The following HEY2 variants were observed in gnomAD, a reference collection of about 807,000 sequenced individuals.
HEY2 encodes hes related family bHLH transcription factor with YRPW motif 2.
A neutral mutation model predicts 18.1 loss-of-function variants in HEY2; 10 were observed. That is an observed-to-expected ratio of 0.55 (90% CI 0.34 to 0.94). The LOEUF is 0.94. Ranked by LOEUF, HEY2 falls within the 40% of genes least tolerant of loss-of-function variation. The pLI is 0.02. For missense variants in HEY2, 455 were observed against 455.9 expected (o/e 1.00, Z 0.02); for synonymous variants, 210 against 182.7 (o/e 1.15, Z -1.21).
At position 125,761,125 on chromosome 6, in the gene HEY2, T is replaced by C. The variant is rs1401557846; in HGVS notation, c.*1323T>C. The C allele has an allele frequency of 6.6e-6, 1 of 152,618 alleles. No individual in the cohort carries two copies. Among genetic ancestry groups the C allele is most frequent in the East Asian group, 1.9e-4 (1 of 5,202 alleles). The allele number at this position is 152,618 out of a possible 1,614,324, so 9.5% of individuals were successfully genotyped here. Reference sequence around the variant, plus strand: ...TGTGTGGAGAAAGCAATAAACATTATGAGAATGTTAAACGTTATGCAAAAT... The same window carrying C: ...TGTGTGGAGAAAGCAATAAACATTACGAGAATGTTAAACGTTATGCAAAAT... On this transcript the variant is annotated 3_prime_UTR_variant, in exon 5 of 5. Transcript: ENST00000368364.
At chr6:125,750,328 T>G in intron 1 of HEY2, 1 of 985,448 alleles carries the variant, frequency 1.0e-6, no homozygotes, top group Non-Finnish European at 1.2e-6. Context: ...CTACGTAGGT[T>G]GAACTTTGCA....
intron 3 of HEY2, among the ~76,000 whole-genome samples, chr6:125,753,882 C>T (rs1030712299): frequency 2.6e-5 from 4 of 152,152 alleles, no homozygotes; most frequent in African/African-American, 4.8e-5. Context: ...CCTTAAAAGT[C>T]GTCCTTTTTA....
Position 125,749,878 on chromosome 6 carries a change from G to T in HEY2, c.83+19G>T, listed in dbSNP as rs141795395. Reference sequence around the variant, plus strand: ...ACTCGGGGTGAGCGCGGGCTCCGCGGGAGCGGCCCGCAGCTCGGGAGCTTG... The same window carrying T: ...ACTCGGGGTGAGCGCGGGCTCCGCGTGAGCGGCCCGCAGCTCGGGAGCTTG... On this transcript the variant is annotated intron_variant, in intron 1 of 4. Coordinates refer to ENST00000368364, the MANE Select transcript of HEY2 (RefSeq NM_012259.3). 9 of 1,549,974 alleles carry T rather than the reference G, an allele frequency of 5.8e-6. No homozygotes were observed. The East Asian group carries it at 2.2e-4, about 38-fold the overall frequency.
In HEY2 at chr6:125,759,685, G is replaced by A; in HGVS notation, c.897G>A (p.Ala299=). ...CAAACGCAGCAGCAGCAGTGGCCGC[G>A]GCCACAGCCATCAGCCCGCCCTTGT... is the stretch of plus-strand genomic sequence containing the variant. The part of the protein sequence containing the change: ...LPPNAAAAVA[A]ATAISPPLSV... The change falls in exon 5 of 5, where the codon GCG becomes GCA. Residue 299 remains alanine, a synonymous_variant. Transcript: ENST00000368364. 6.2e-7 allele frequency: 1 copy of A among 1,612,628 alleles called. No individual in the cohort carries two copies. Among genetic ancestry groups the A allele is most frequent in the Non-Finnish European group, 8.5e-7 (1 of 1,180,002 alleles).
chr6:125,758,311 C>A (rs948439335), intron 4 of HEY2, among the ~76,000 whole-genome samples: 1 of 152,072 alleles, frequency 6.6e-6, no homozygotes, highest in Non-Finnish European at 1.5e-5. Flanking sequence ...TATACACTGA[C>A]AAAATTAATA....
At chr6:125,754,685 A>G (rs908344119) in intron 4 of HEY2, 139 bp downstream of exon 4, 10 of 445,502 alleles carry the variant, frequency 2.2e-5, no homozygotes, top group South Asian at 6.3e-5. Context: ...GATTAAAGCC[A>G]TGGAAATCAA....
Position 125,754,541 on chromosome 6 carries a change from G to A in HEY2, c.323G>A (p.Gly108Asp), listed in dbSNP as rs1319799170. Reference sequence around the variant, plus strand: ...TTGAAGATGCTTCAGGCAACAGGGGGTAAAGGTAAGTAGATGACTTCATTT... The same window carrying A: ...TTGAAGATGCTTCAGGCAACAGGGGATAAAGGTAAGTAGATGACTTCATTT... ...DHLKMLQATG[G>D]KGYFDAHALA... Residue 108 changes from glycine to aspartate, a missense_variant, in exon 4 of 5, where the codon GGT becomes GAT. Gly to Asp is a moderately conservative substitution (Grantham distance 94, BLOSUM62 -1). Transcript: ENST00000368364. The A allele has an allele frequency of 1.9e-6, 3 of 1,567,206 alleles. No individual in the cohort carries two copies. The highest frequency in any genetic ancestry group is 2.3e-5 in the East Asian group (1 of 44,236).
intron 2 of HEY2, 62 bp downstream of exon 2, chr6:125,751,941 T>G (rs1773551440): frequency 6.3e-7 from 1 of 1,583,950 alleles, no homozygotes; most frequent in East Asian, 2.2e-5. Flanking sequence ...CAGTTACATT[T>G]TTTCATTTGA....
At chr6:125,750,573 T>C (rs1455487467) in intron 1 of HEY2, among the ~76,000 whole-genome samples, 1 of 152,252 alleles carries the variant, frequency 6.6e-6, no homozygotes, top group African/African-American at 2.4e-5. Flanking sequence ...CTTAATTATT[T>C]ATCTGCAGCT....
intron 1 of HEY2, 44 bp downstream of exon 1, chr6:125,749,903 G>T (rs750560163): frequency 2.7e-6 from 4 of 1,482,538 alleles, no homozygotes; most frequent in Non-Finnish European, 2.8e-6. Context: ...TCGGGAGCTT[G>T]GGGTAGCTTT....
chr6:125,760,587 TA>T lies in HEY2; in HGVS notation c.*788del, dbSNP rs1773781292. The stretch of plus-strand genomic sequence containing the variant: ...GCTCAAAATATGGTGCTGCTTTATA[TA>T]AACCTTACATTTATATAGTGCACCT... On this transcript the variant is annotated 3_prime_UTR_variant, in exon 5 of 5. Transcript: ENST00000368364. 6.6e-6 allele frequency: 1 copy of T among 152,178 alleles called. No homozygotes were observed. Among genetic ancestry groups the T allele is most frequent in the African/African-American group, 2.4e-5 (1 of 41,444 alleles). 9.4% of individuals were successfully genotyped at this position (152,178 alleles called of 1,614,324 possible).
chr6:125,755,022 T>G (rs927823595), intron 4 of HEY2, among the ~76,000 whole-genome samples: 1 of 152,242 alleles, frequency 6.6e-6, no homozygotes, highest in Non-Finnish European at 1.5e-5. Context: ...TCCAAAGGAA[T>G]TGACTCTAGA....
chr6:125,749,643 T>A lies in HEY2; in HGVS notation c.-134T>A, dbSNP rs7764016. Reference sequence around the variant, plus strand: ...GAGTTGCGGCGTGGGAAAGAGCCGCTAGGAGCAGACCGCGCCGCCGCCGGA... The same window carrying A: ...GAGTTGCGGCGTGGGAAAGAGCCGCAAGGAGCAGACCGCGCCGCCGCCGGA... On this transcript the variant is annotated 5_prime_UTR_variant, in exon 1 of 5. Coordinates refer to ENST00000368364, the MANE Select transcript of HEY2 (RefSeq NM_012259.3). 252 of 502,006 alleles carry A rather than the reference T, an allele frequency of 5.0e-4. 2 individuals are homozygous for A. In the East Asian group the frequency reaches 8.4e-3, roughly 17 times the overall value. 31.1% of individuals were successfully genotyped at this position (502,006 alleles called of 1,614,324 possible). A position where few individuals can be genotyped will look rare whatever the true frequency, so the allele number is the denominator to read the frequency against.
intron 4 of HEY2, among the ~76,000 whole-genome samples, chr6:125,757,713 C>T (rs1258116944): frequency 6.6e-6 from 1 of 152,174 alleles, no homozygotes. Context: ...CTTTGGGAAG[C>T]CGAGGCAGGA....
intron 1 of HEY2, 29 bp downstream of exon 1, chr6:125,749,888 G>A: frequency 6.5e-7 from 1 of 1,530,804 alleles, no homozygotes; most frequent in Non-Finnish European, 8.9e-7. Context: ...GGAGCGGCCC[G>A]CAGCTCGGGA....
rs763061054 is a variant in HEY2 at position 125,759,584 on chromosome 6, G to A, written c.796G>A (p.Ala266Thr). Residue 266 changes from alanine to threonine, a missense_variant, in exon 5 of 5, where the codon GCC (alanine) becomes ACC (threonine). By Grantham distance (58) the Ala-to-Thr change is moderately conservative. Coordinates refer to ENST00000368364, the MANE Select transcript of HEY2 (RefSeq NM_012259.3). ...SLLSLSATVH[A>T]AAAAATAAAH... Reference sequence around the variant, plus strand: ...CTTGTCCCTCTCTGCCACCGTCCACGCCGCAGCCGCAGCAGCCACCGCGGC... The same window carrying A: ...CTTGTCCCTCTCTGCCACCGTCCACACCGCAGCCGCAGCAGCCACCGCGGC... 2 of 1,610,010 alleles carry A rather than the reference G, an allele frequency of 1.2e-6. No homozygotes were observed. The highest frequency in any genetic ancestry group is 1.7e-6 in the Non-Finnish European group (2 of 1,179,736).
At chr6:125,754,670 C>A in intron 4 of HEY2, 124 bp downstream of exon 4, 1 of 470,136 alleles carries the variant, frequency 2.1e-6, no homozygotes. Context: ...AGATAGGAGG[C>A]CCCAGATTAA....
At chr6:125,755,147 AT>A (rs1329669613) in intron 4 of HEY2, among the ~76,000 whole-genome samples, 5 of 152,290 alleles carry the variant, frequency 3.3e-5, no homozygotes, top group African/African-American at 1.2e-4. Flanking sequence ...GAGCAGAGTC[AT>A]TCTTGGGGAA....
At chr6:125,753,308 A>AT (rs952325502) in intron 3 of HEY2, among the ~76,000 whole-genome samples, 25 of 150,628 alleles carry the variant, frequency 1.7e-4, no homozygotes, top group East Asian at 1.2e-3. Context: ...GGTTTGTTAG[A>AT]TTTTTTTTTT....
Sources: allele counts gnomAD v4.1 joint callset (sites outside exome capture counted in the v4.1 genomes callset), GRCh38; gene constraint gnomAD v4.1.1; transcripts MANE v1.5; gene names NCBI Gene and HGNC (gene_info 2026-07-23, HGNC 2026-07-21).